Variants in RNF144B observed in about 807,000 individuals in gnomAD.
RNF144B encodes ring finger protein 144B.
In RNF144B, 25 loss-of-function variants were observed where a neutral mutation model predicts 40.2. The ratio of observed to expected loss-of-function variants is 0.62; its 90% confidence interval spans 0.45 to 0.87. The LOEUF (loss-of-function observed/expected upper bound fraction) is 0.87. Among genes scored for constraint, RNF144B ranks in the 40% least tolerant of loss-of-function variants. The pLI, the probability that RNF144B is intolerant of heterozygous loss-of-function variation, is 0.00. For synonymous variants in RNF144B, 145 were observed against 136.3 expected (o/e 1.06, Z -0.44); for missense variants, 365 against 373.7 (o/e 0.98, Z 0.19).
At chr6:18,403,158 T>G (rs978413548) in intron 2 of RNF144B, among the ~76,000 whole-genome samples, 19 of 152,218 alleles carry the variant, frequency 1.2e-4, no homozygotes, top group Non-Finnish European at 1.8e-4. Flanking sequence ...ATTCTAACTT[T>G]CCTTTTCTGG....
chr6:18,463,506 G>A, intron 7 of RNF144B, 126 bp downstream of exon 7: 2 of 654,022 alleles, frequency 3.1e-6, no homozygotes, highest in South Asian at 3.5e-5. Context: ...CTTCTGGGGA[G>A]TGTTAGGGCA....
At chr6:18,445,024 G>GT (rs35173040) in intron 4 of RNF144B, among the ~76,000 whole-genome samples, 18,956 of 151,580 alleles carry the variant, frequency 0.13, 1,355 homozygotes, top group Admixed American at 0.19. Context: ...TTCTTTTAGT[G>GT]TTTTTTTCCC....
chr6:18,387,457 G>C lies in RNF144B; in HGVS notation c.-210G>C. On this transcript the variant is annotated 5_prime_UTR_variant, in exon 1 of 8. Transcript: ENST00000259939. ...CTCCTCCCGACCCGTAGGTCTGGGA[G>C]CGCAAGTCCTGTTGCAGTCTTGCAA... 2 of 1,244,306 alleles carry C rather than the reference G, an allele frequency of 1.6e-6. No individual in the cohort carries two copies. The highest frequency in any genetic ancestry group is 2.1e-6 in the Non-Finnish European group (2 of 962,570). The allele number at this position is 1,244,306 out of a possible 1,614,324, so 77.1% of individuals were successfully genotyped here. A position where few individuals can be genotyped will look rare whatever the true frequency, so the allele number is the denominator to read the frequency against.
intron 2 of RNF144B, among the ~76,000 whole-genome samples, chr6:18,423,475 G>C (rs1758481752): frequency 6.6e-6 from 1 of 152,130 alleles, no homozygotes; most frequent in Non-Finnish European, 1.5e-5. Flanking sequence ...TTCTTGGGTA[G>C]GTACATAGTA....
In RNF144B at chr6:18,427,616, A is replaced by C; in HGVS notation, c.201A>C (p.Glu67Asp). 6.2e-7 allele frequency: 1 copy of C among 1,613,792 alleles called. No homozygotes were observed. Among genetic ancestry groups the C allele is most frequent in the Non-Finnish European group, 8.5e-7 (1 of 1,179,806 alleles). The change falls in exon 3 of 8, where the codon GAA becomes GAC. Residue 67 changes from glutamate (E) to aspartate (D), a missense_variant. Coordinates refer to ENST00000259939, the MANE Select transcript of RNF144B (RefSeq NM_182757.4). ...LKQYMQLAIREGCGSPITCPD... is the reference protein window; with the variant it reads ...LKQYMQLAIRDGCGSPITCPD... ...AGTACATGCAGCTGGCAATCCGAGA[A>C]GGATGTGGGTCTCCCATCACTTGCC...
At chr6:18,453,067 G>A (rs764008296) in intron 4 of RNF144B, among the ~76,000 whole-genome samples, 2 of 151,134 alleles carry the variant, frequency 1.3e-5, no homozygotes, top group African/African-American at 4.9e-5. Flanking sequence ...GATTACAGGA[G>A]TGAGCCACTG....
At chr6:18,440,153 G>GT (rs1562053613) in intron 4 of RNF144B, among the ~76,000 whole-genome samples, 2 of 152,084 alleles carry the variant, frequency 1.3e-5, no homozygotes, top group South Asian at 4.1e-4. Context: ...CATAACACCT[G>GT]TTTTTTTGAT....
At chr6:18,409,042 T>C (rs534407976) in intron 2 of RNF144B, among the ~76,000 whole-genome samples, 124 of 151,904 alleles carry the variant, frequency 8.2e-4, no homozygotes, top group African/African-American at 2.7e-3. Context: ...TGTGATATAT[T>C]CCTTAAGTGT....
At chr6:18,404,332 T>C (rs1247188291) in intron 2 of RNF144B, among the ~76,000 whole-genome samples, 2 of 152,232 alleles carry the variant, frequency 1.3e-5, no homozygotes, top group South Asian at 2.1e-4. Context: ...CAGGCTCAAG[T>C]TCAGGCTTTG....
rs769696901 is a variant in RNF144B at position 18,465,093 on chromosome 6, A to T, written c.*26A>T. 2 of 1,611,718 alleles carry T rather than the reference A, an allele frequency of 1.2e-6. No individual in the cohort carries two copies. The highest frequency in any genetic ancestry group is 1.7e-6 in the Non-Finnish European group (2 of 1,178,770). On this transcript the variant is annotated 3_prime_UTR_variant, in exon 8 of 8. Coordinates refer to ENST00000259939, the MANE Select transcript of RNF144B (RefSeq NM_182757.4). ...AGATCTCTGTGTTCATACGCCCCAG[A>T]TATGTGAGTTACATGAGATGGCACA... is the stretch of plus-strand genomic sequence containing the variant.
At position 18,443,847 on chromosome 6, in the gene RNF144B, G is replaced by A. The variant is rs1759018657; in HGVS notation, c.331+4103G>A. On this transcript the variant is annotated intron_variant, in intron 4 of 7. Transcript: ENST00000259939. This position sits in a 1 kb window ranked among gnomAD's most constrained non-coding sequence, Gnocchi z 4.7. Reference sequence around the variant, plus strand: ...ATTTGATGTGAAACCATTTATAAGGGGACTTTGGGGTGCATTAAATACCCA... The same window carrying A: ...ATTTGATGTGAAACCATTTATAAGGAGACTTTGGGGTGCATTAAATACCCA... Among the ~76,000 whole-genome samples, 2 of 152,056 alleles carry A rather than the reference G, an allele frequency of 1.3e-5. No individual in the cohort carries two copies. Among genetic ancestry groups the A allele is most frequent in the African/African-American group, 4.8e-5 (2 of 41,400 alleles).
Position 18,399,679 on chromosome 6 carries a change from C to A in RNF144B, c.145C>A (p.Gln49Lys). 6.2e-7 allele frequency: 1 copy of A among 1,613,784 alleles called. No homozygotes were observed. Among genetic ancestry groups the A allele is most frequent in the Non-Finnish European group, 8.5e-7 (1 of 1,179,756 alleles). The part of the protein sequence containing the change: ...LDKMTTLQEC[Q>K]CIFCTACLKQ... ...CAAGATGACCACACTCCAGGAATGC[C>A]AGTGCATCTTTTGCACAGCTGTGAG... is the stretch of plus-strand genomic sequence containing the variant. The change falls in exon 2 of 8, where the codon CAG becomes AAG. Residue 49 changes from glutamine to lysine, a missense_variant. Physicochemically the swap from Gln to Lys is moderately conservative, Grantham distance 53. Transcript: ENST00000259939.
Position 18,448,514 on chromosome 6 carries a change from T to C in RNF144B, c.332-8641T>C, listed in dbSNP as rs1759135368. ...AGGAGCTTTATGTAATATGAAAGTA[T>C]AGCGAACCTAGCAATATTGAACGTG... On this transcript the variant is annotated intron_variant, in intron 4 of 7. Coordinates refer to ENST00000259939, the MANE Select transcript of RNF144B (RefSeq NM_182757.4). This position sits in a 1 kb window ranked among gnomAD's most constrained non-coding sequence, Gnocchi z 4.0. Among the ~76,000 whole-genome samples the C allele has an allele frequency of 6.6e-6, 1 of 152,098 alleles. No individual in the cohort carries two copies. Among genetic ancestry groups the C allele is most frequent in the Non-Finnish European group, 1.5e-5 (1 of 68,024 alleles).
Position 18,465,180 on chromosome 6 carries a change from G to T in RNF144B, c.*113G>T. The T allele has an allele frequency of 9.1e-7, 1 of 1,097,978 alleles. No homozygotes were observed. The highest frequency in any genetic ancestry group is 1.3e-6 in the Non-Finnish European group (1 of 761,860). The allele number at this position is 1,097,978 out of a possible 1,614,324, so 68.0% of individuals were successfully genotyped here. ...CCTTGCCAACTTTGAAAGTGCCTCC[G>T]TGTCCAGACTTTGAACTTGCCTGCC... is the stretch of plus-strand genomic sequence containing the variant. On this transcript the variant is annotated 3_prime_UTR_variant, in exon 8 of 8. Transcript: ENST00000259939.
In RNF144B at chr6:18,448,103, A is replaced by G. The variant is rs1234392893; in HGVS notation, c.331+8359A>G. ...GGTTCAGGGTACTATGAGAAGAAAA[A>G]TGGGTGCAGTGAATATATTAACTCT... On this transcript the variant is annotated intron_variant, in intron 4 of 7. Transcript: ENST00000259939. This position sits in a 1 kb window ranked among gnomAD's most constrained non-coding sequence, Gnocchi z 4.0. Among the ~76,000 whole-genome samples the G allele has an allele frequency of 1.3e-5, 2 of 152,148 alleles. No homozygotes were observed. Among genetic ancestry groups the G allele is most frequent in the Admixed American group, 1.3e-4 (2 of 15,254 alleles).
chr6:18,446,869 G>C lies in RNF144B; in HGVS notation c.331+7125G>C, dbSNP rs1446682049. Among the ~76,000 whole-genome samples the C allele has an allele frequency of 1.3e-5, 2 of 148,694 alleles. No homozygotes were observed. The highest frequency in any genetic ancestry group is 6.7e-5 in the Admixed American group (1 of 14,986). On this transcript the variant is annotated intron_variant, in intron 4 of 7. Coordinates refer to ENST00000259939, the MANE Select transcript of RNF144B (RefSeq NM_182757.4). This position sits in a 1 kb window ranked among gnomAD's most constrained non-coding sequence, Gnocchi z 4.7. ...TGTGTGTGTGTGTGTGTGTGTGTGT[G>C]TGTGTCTGTGTGTGTGTTGTGTGTT...
Position 18,399,591 on chromosome 6 carries a change from T to A in RNF144B, c.57T>A (p.Pro19=), listed in dbSNP as rs929348275. 6.2e-7 allele frequency: 1 copy of A among 1,614,202 alleles called. No individual in the cohort carries two copies. Among genetic ancestry groups the A allele is most frequent in the South Asian group, 1.1e-5 (1 of 91,084 alleles). ...CCATGACTGCTGAAAATCCCACTCC[T>A]GGAGACCTGGCTCCGGCCCCCCTCA... ...YLAMTAENPT[P]GDLAPAPLIT... is the part of the protein sequence containing the mutation. Residue 19 remains proline (P), a synonymous_variant, in exon 2 of 8, where the codon CCT becomes CCA. Transcript: ENST00000259939.
In RNF144B at chr6:18,448,218, G is replaced by T. The variant is rs79080768; in HGVS notation, c.331+8474G>T. Among the ~76,000 whole-genome samples, 2 of 152,050 alleles carry T rather than the reference G, an allele frequency of 1.3e-5. No individual in the cohort carries two copies. Among genetic ancestry groups the T allele is most frequent in the African/African-American group, 2.4e-5 (1 of 41,394 alleles). ...GAAAGGGATGATACAGGAGAGGGAG[G>T]GGGGAGGTAATTGCAGAAGCCAAAT... On this transcript the variant is annotated intron_variant, in intron 4 of 7. Coordinates refer to ENST00000259939, the MANE Select transcript of RNF144B (RefSeq NM_182757.4). This position sits in a 1 kb window ranked among gnomAD's most constrained non-coding sequence, Gnocchi z 4.0.
chr6:18,463,432 A>C (rs1244737667), intron 7 of RNF144B, 52 bp downstream of exon 7: 3 of 1,039,236 alleles, frequency 2.9e-6, no homozygotes, highest in Admixed American at 1.7e-5. Context: ...TGATGGCTTA[A>C]AGAGCCCACC....
Sources: allele counts gnomAD v4.1 joint callset (sites outside exome capture counted in the v4.1 genomes callset), GRCh38; gene constraint gnomAD v4.1.1; non-coding constraint Gnocchi (gnomAD v3.1); transcripts MANE v1.5; gene names NCBI Gene and HGNC (gene_info 2026-07-23, HGNC 2026-07-21).